The following BTBD7 variants were observed in gnomAD, a reference collection of about 807,000 sequenced individuals.
BTBD7 encodes the protein BTB domain containing 7.
A neutral mutation model predicts 99.9 loss-of-function variants in BTBD7; 38 were observed. The observed-to-expected ratio is 0.38, with a 90% confidence interval of 0.29 to 0.50. The LOEUF (loss-of-function observed/expected upper bound fraction) is 0.50, where lower values mean the gene tolerates loss of function less well. Among genes scored for constraint, BTBD7 ranks in the 20% least tolerant of loss-of-function variants. The pLI, the probability that BTBD7 is intolerant of heterozygous loss-of-function variation, is 0.93. For missense variants in BTBD7, 1,170 were observed against 1,394.6 expected (o/e 0.84, Z 2.57); for synonymous variants, 520 against 511.4 (o/e 1.02, Z -0.23).
rs549579457 is a variant in BTBD7, at chr14:93,276,892, ATTTTTTTTTT to A, written c.1163-12909_1163-12900del. Among the ~76,000 whole-genome samples the A allele has an allele frequency of 3.7e-4, 30 of 80,402 alleles. No homozygotes were observed. The South Asian group carries it at 4.1e-3, about 11-fold the overall frequency. 52.7% of individuals were successfully genotyped at this position (80,402 alleles called of 152,430 possible). A position where few individuals can be genotyped will look rare whatever the true frequency, so the allele number is the denominator to read the frequency against. Reference sequence around the variant, plus strand: ...CCACGACACACACACACACAGATTAATTTTTTTTTTTTTTTTTTTTTTTTTTTGAGATGGA... The same window carrying A: ...CCACGACACACACACACACAGATTAATTTTTTTTTTTTTTTTTGAGATGGA... On this transcript the variant is annotated intron_variant, in intron 3 of 10. Coordinates refer to ENST00000334746, the MANE Select transcript of BTBD7 (RefSeq NM_001002860.4).
intron 1 of BTBD7, among the ~76,000 whole-genome samples, chr14:93,315,529 T>C (rs560909769): frequency 6.6e-6 from 1 of 152,300 alleles, no homozygotes; most frequent in South Asian, 2.1e-4. Flanking sequence ...ATGTAGAACA[T>C]TTTCATCACC....
intron 3 of BTBD7, among the ~76,000 whole-genome samples, chr14:93,293,541 T>C (rs2052883496): frequency 6.6e-6 from 1 of 152,228 alleles, no homozygotes; most frequent in East Asian, 1.9e-4. Context: ...CTGGGCTCTT[T>C]CAAAGCTTGG....
At chr14:93,270,599 G>A (rs535971586) in intron 3 of BTBD7, among the ~76,000 whole-genome samples, 3 of 151,862 alleles carry the variant, frequency 2.0e-5, no homozygotes, top group Non-Finnish European at 2.9e-5. Flanking sequence ...GGAGGCTGAG[G>A]CAGGATAATC....
Position 93,311,117 on chromosome 14 carries a change from A to AGTAATAGCT in BTBD7, c.-106-14961_-106-14960insAGCTATTAC, listed in dbSNP as rs1403275052. On this transcript the variant is annotated intron_variant, in intron 1 of 10. Transcript: ENST00000334746. Reference sequence around the variant, plus strand: ...TAGCTTCCTAGCATCCTTAAAGACAATCAGTGAGTTTTAAAAAGTTATGAA... The same window carrying AGTAATAGCT: ...TAGCTTCCTAGCATCCTTAAAGACAAGTAATAGCTTCAGTGAGTTTTAAAAAGTTATGAA... Among the ~76,000 whole-genome samples, 3 of 152,202 alleles carry AGTAATAGCT rather than the reference A, an allele frequency of 2.0e-5. No homozygotes were observed. The East Asian group carries it at 5.8e-4, about 29-fold the overall frequency.
intron 1 of BTBD7, among the ~76,000 whole-genome samples, chr14:93,331,707 C>T (rs764135106): frequency 2.6e-5 from 4 of 152,138 alleles, no homozygotes; most frequent in African/African-American, 4.8e-5. Context: ...ATGGTGAAAC[C>T]ACGTCTCTAT....
At chr14:93,327,815 G>A (rs749537341) in intron 1 of BTBD7, among the ~76,000 whole-genome samples, 26 of 152,180 alleles carry the variant, frequency 1.7e-4, no homozygotes, top group Admixed American at 1.3e-4. Context: ...ATCCAAATTC[G>A]AAAGCAAGAA....
chr14:93,275,344 C>T (rs895069748), intron 3 of BTBD7, among the ~76,000 whole-genome samples: 1 of 148,792 alleles, frequency 6.7e-6, no homozygotes, highest in East Asian at 2.1e-4. Context: ...AACTTCACCA[C>T]TTCTCTGAAC....
chr14:93,322,952 T>C (rs1458186883), intron 1 of BTBD7, among the ~76,000 whole-genome samples: 1 of 151,532 alleles, frequency 6.6e-6, no homozygotes, highest in African/African-American at 2.4e-5. Flanking sequence ...ACCCCATCTC[T>C]ACAAAAAAAA....
At chr14:93,263,717 A>G (rs1409793678) in intron 4 of BTBD7, 68 bp downstream of exon 4, 2 of 1,435,680 alleles carry the variant, frequency 1.4e-6, no homozygotes, top group Non-Finnish European at 2.0e-6. Context: ...TGGAAGAGTA[A>G]TAGAGCATAG....
intron 1 of BTBD7, among the ~76,000 whole-genome samples, chr14:93,312,705 T>C (rs930809353): frequency 2.0e-5 from 3 of 146,700 alleles, no homozygotes; most frequent in Non-Finnish European, 4.6e-5. Context: ...GGTTGCTAGG[T>C]GGAAGTGCTA....
chr14:93,307,518 G>C (rs1373346547), intron 1 of BTBD7, among the ~76,000 whole-genome samples: 1 of 152,120 alleles, frequency 6.6e-6, no homozygotes, highest in Non-Finnish European at 1.5e-5. Flanking sequence ...ACTAGGTACT[G>C]GTCAAGATAG....
At chr14:93,253,812 A>T in intron 6 of BTBD7, 22 bp from the exon 7 acceptor site, 4 of 1,481,276 alleles carry the variant, frequency 2.7e-6, no homozygotes, top group Non-Finnish European at 3.7e-6. Flanking sequence ...TTTTTTTTTT[A>T]GATAGAAATC....
chr14:93,308,040 AT>A (rs781420234), intron 1 of BTBD7, among the ~76,000 whole-genome samples: 12 of 152,096 alleles, frequency 7.9e-5, no homozygotes, highest in Non-Finnish European at 1.8e-4. Flanking sequence ...CAATCCTGTA[AT>A]CCCAGCACTT....
At chr14:93,326,736 A>T (rs940517263) in intron 1 of BTBD7, among the ~76,000 whole-genome samples, 1 of 151,726 alleles carries the variant, frequency 6.6e-6, no homozygotes, top group African/African-American at 2.4e-5. Flanking sequence ...CCTGGGAGGC[A>T]GCAGTTGCAG....
At chr14:93,252,199 A>G (rs1040778367) in intron 7 of BTBD7, among the ~76,000 whole-genome samples, 5 of 151,672 alleles carry the variant, frequency 3.3e-5, no homozygotes, top group Admixed American at 3.3e-4. Context: ...CATCCCAGCT[A>G]CTCAGGAGGC....
intron 6 of BTBD7, 130 bp downstream of exon 6, chr14:93,257,065 T>A: frequency 1.1e-6 from 1 of 874,926 alleles, no homozygotes; most frequent in South Asian, 1.8e-5. Context: ...ACAATAGACA[T>A]CTGTCTCTGT....
intron 3 of BTBD7, among the ~76,000 whole-genome samples, chr14:93,280,686 C>T (rs2052708563): frequency 6.6e-6 from 1 of 152,072 alleles, no homozygotes; most frequent in African/African-American, 2.4e-5. Flanking sequence ...TTTAGTAAGG[C>T]CAGCCCATGT....
chr14:93,238,430 G>A lies in BTBD7; in HGVS notation c.*3843C>T, dbSNP rs1308712775. On this transcript the variant is annotated 3_prime_UTR_variant, in exon 11 of 11. Coordinates refer to ENST00000334746, the MANE Select transcript of BTBD7 (RefSeq NM_001002860.4). Reference sequence around the variant, plus strand: ...GTCTTTTAGTAAGATTATCTGTAATGAGGTTTGAAAGTAAATCACTTAGTA... The same window carrying A: ...GTCTTTTAGTAAGATTATCTGTAATAAGGTTTGAAAGTAAATCACTTAGTA... 6.6e-6 allele frequency: 1 copy of A among 152,564 alleles called. No individual in the cohort carries two copies. The allele number at this position is 152,564 out of a possible 1,614,324, so 9.5% of individuals were successfully genotyped here. A position where few individuals can be genotyped will look rare whatever the true frequency, so the allele number is the denominator to read the frequency against.
rs546190692 is a variant in BTBD7, at chr14:93,251,621, G to A, written c.1784C>T (p.Thr595Met). The A allele has an allele frequency of 5.6e-6, 9 of 1,612,928 alleles. No homozygotes were observed. The highest frequency in any genetic ancestry group is 1.3e-5 in the African/African-American group (1 of 75,016). The change falls in exon 8 of 11, where the codon ACG (threonine) becomes ATG (methionine). Residue 595 changes from threonine (T) to methionine (M), a missense_variant. Physicochemically the swap from Thr to Met is moderately conservative, Grantham distance 81. Around this residue, in one of 4 missense-constraint regions of BTBD7, gnomAD observed 309 missense variants for 342.0 expected, o/e 0.90. Coordinates refer to ENST00000334746, the MANE Select transcript of BTBD7 (RefSeq NM_001002860.4). Reference sequence around the variant, plus strand: ...AACCATTCGCAAGCGCACAAGATCCGTTTGTTCCACCATCATCTCATCTAG... The same window carrying A: ...AACCATTCGCAAGCGCACAAGATCCATTTGTTCCACCATCATCTCATCTAG... ...SVLDEMMVEQ[T>M]DLVRLRMVRM...
Sources: gnomAD v4.1 joint callset for allele counts (sites outside exome capture counted in the v4.1 genomes callset) on GRCh38, gnomAD v4.1.1 for gene constraint, gnomAD v4.1.1 regional missense constraint, MANE v1.5 for transcripts, NCBI Gene and HGNC (gene_info 2026-07-23, HGNC 2026-07-21) for gene names.